GRAP2: variants seen among roughly 807,000 people sequenced by gnomAD.
GRAP2 encodes GRB2 related adaptor protein 2.
Under a neutral mutation model 43.5 loss-of-function variants are expected in GRAP2, and 31 were observed. The observed-to-expected ratio is 0.71, with a 90% CI of 0.54 to 0.96. The LOEUF (loss-of-function observed/expected upper bound fraction) is 0.96. GRAP2 is among the 40% of genes least tolerant of loss of function. The pLI is 0.00. For missense variants in GRAP2, 371 were observed against 424.4 expected, an observed-to-expected ratio of 0.87 and a Z score of 1.11; for synonymous variants, 156 against 164.8, an observed-to-expected ratio of 0.95 and a Z score of 0.41.
At chr22:39,934,741 C>G (rs1305115110) in intron 1 of GRAP2, among the ~76,000 whole-genome samples, 1 of 151,994 alleles carries the variant, frequency 6.6e-6, no homozygotes, top group African/African-American at 2.4e-5. Context: ...TGTGGGGGCA[C>G]ACGATTGTAG....
intron 1 of GRAP2, among the ~76,000 whole-genome samples, chr22:39,920,701 G>A (rs1272155350): frequency 6.6e-6 from 1 of 152,102 alleles, no homozygotes; most frequent in African/African-American, 2.4e-5. Context: ...AGAAGATGCT[G>A]ACTCTCCAAC....
chr22:39,911,381 T>TAAA, intron 1 of GRAP2, among the ~76,000 whole-genome samples: 5 of 151,592 alleles, frequency 3.3e-5, no homozygotes, highest in African/African-American at 1.2e-4. Context: ...CTTCCCTCCA[T>TAAA]CACCTCCCCC....
intron 2 of GRAP2, among the ~76,000 whole-genome samples, chr22:39,955,231 G>A (rs1403247885): frequency 6.6e-6 from 1 of 152,138 alleles, no homozygotes; most frequent in African/African-American, 2.4e-5. Flanking sequence ...AGTGGCGCAT[G>A]CCTGTAATCC....
chr22:39,915,220 G>T (rs1023079686), intron 1 of GRAP2, among the ~76,000 whole-genome samples: 12 of 148,338 alleles, frequency 8.1e-5, no homozygotes, highest in East Asian at 2.0e-4. Context: ...AGAAAAAAAA[G>T]AAATAAATAA....
chr22:39,971,040 C>T lies in GRAP2; in HGVS notation c.949C>T (p.Leu317=), dbSNP rs754576818. 1.2e-6 allele frequency: 2 copies of T among 1,613,790 alleles called. No individual in the cohort carries two copies. Among genetic ancestry groups the T allele is most frequent in the African/African-American group, 1.3e-5 (1 of 74,916 alleles). ...SWWTGRLHNK[L]GLFPANYVAP... is the part of the protein sequence containing the mutation. ...GTGGACCGGCCGCCTGCACAACAAG[C>T]TGGGCCTCTTCCCTGCCAACTACGT... Residue 317 remains leucine, a synonymous_variant, in exon 8 of 8, where the codon CTG becomes TTG. Coordinates refer to ENST00000344138, the MANE Select transcript of GRAP2 (RefSeq NM_004810.4).
intron 1 of GRAP2, among the ~76,000 whole-genome samples, chr22:39,904,738 T>C (rs2066512594): frequency 6.6e-6 from 1 of 152,152 alleles, no homozygotes; most frequent in South Asian, 2.1e-4. Context: ...TTCTATACCA[T>C]TTTTTAAAAA....
chr22:39,941,314 CTG>C (rs2066868364), intron 1 of GRAP2, among the ~76,000 whole-genome samples: 1 of 152,202 alleles, frequency 6.6e-6, no homozygotes, highest in African/African-American at 2.4e-5. Flanking sequence ...CGGAGTAACT[CTG>C]GTGACTCCCA....
At chr22:39,955,676 C>T (rs368957623) in intron 2 of GRAP2, 143 bp from the exon 3 acceptor site, 30 of 548,516 alleles carry the variant, frequency 5.5e-5, no homozygotes, top group East Asian at 3.2e-4. Context: ...GGGGTAAATC[C>T]TAGAACAGCT....
intron 7 of GRAP2, 150 bp downstream of exon 7, chr22:39,969,683 G>A (rs1321471274): frequency 2.7e-6 from 2 of 752,134 alleles, no homozygotes; most frequent in Non-Finnish European, 4.2e-6. Context: ...GGAGGCCAAG[G>A]CAGGTGGATC....
chr22:39,968,171 C>T lies in GRAP2; in HGVS notation c.589C>T (p.Gln197Ter). Residue 197 changes from glutamine (Q) to a stop codon, truncating the protein, a stop_gained, in exon 6 of 8, where the codon CAG becomes TAG. Coordinates refer to ENST00000344138, the MANE Select transcript of GRAP2 (RefSeq NM_004810.4). LOFTEE classifies it high-confidence loss of function. ...TCACCCCCCGACCCTTCCCCTGCAG[C>T]AGCACCAGCACCAGCCACAGCCTCC... ...SDHPPTLPLQ[Q>*]HQHQPQPPQY... The T allele has an allele frequency of 6.2e-7, 1 of 1,609,414 alleles. No individual in the cohort carries two copies. The highest frequency in any genetic ancestry group is 8.5e-7 in the Non-Finnish European group (1 of 1,177,738).
intron 1 of GRAP2, among the ~76,000 whole-genome samples, chr22:39,918,425 G>A (rs2066621560): frequency 2.0e-5 from 3 of 152,328 alleles, no homozygotes; most frequent in South Asian, 4.1e-4. Context: ...GAGAGGGCTT[G>A]CCTGACTCTG....
chr22:39,927,592 A>G (rs1011750195), intron 1 of GRAP2, among the ~76,000 whole-genome samples: 3 of 152,204 alleles, frequency 2.0e-5, no homozygotes, highest in Non-Finnish European at 4.4e-5. Flanking sequence ...TCGCATCGGG[A>G]GAGGTAAACA....
At chr22:39,922,041 G>A (rs183760447) in intron 1 of GRAP2, among the ~76,000 whole-genome samples, 23 of 152,298 alleles carry the variant, frequency 1.5e-4, no homozygotes, top group Admixed American at 1.4e-3. Flanking sequence ...TTTAGCACAA[G>A]CCAAACCAGA....
Position 39,953,796 on chromosome 22 carries a change from T to C in GRAP2, c.79-2023T>C, listed in dbSNP as rs150972657. On this transcript the variant is annotated intron_variant, in intron 2 of 7. Transcript: ENST00000344138. ...TTGCTAAGTTTTATTTTTATTTTCATAGAGACAAGGTCTCGCTTTGTTGCC... is the reference window on the plus strand; with the variant it reads ...TTGCTAAGTTTTATTTTTATTTTCACAGAGACAAGGTCTCGCTTTGTTGCC... 3.5e-3 allele frequency among the ~76,000 whole-genome samples: 533 copies of C among 152,340 alleles called. 4 individuals are homozygous for C. The highest frequency in any genetic ancestry group is 0.012 in the African/African-American group (492 of 41,572).
At chr22:39,955,356 C>CA (rs1395245509) in intron 2 of GRAP2, among the ~76,000 whole-genome samples, 1 of 147,526 alleles carries the variant, frequency 6.8e-6, no homozygotes, top group African/African-American at 2.5e-5. Context: ...GACTCTGTCT[C>CA]AAAAAAACGA....
intron 6 of GRAP2, 54 bp from the exon 7 acceptor site, chr22:39,969,357 C>T (rs56057810): frequency 0.027 from 43,079 of 1,605,430 alleles, 1,935 homozygotes; most frequent in Admixed American, 0.19. Context: ...CTGGGGGAAC[C>T]GGTGGGAGAT....
intron 1 of GRAP2, among the ~76,000 whole-genome samples, chr22:39,943,418 C>T (rs749688562): frequency 1.3e-5 from 2 of 152,220 alleles, no homozygotes; most frequent in Non-Finnish European, 2.9e-5. Context: ...AGCAGATCCA[C>T]ACTGCATGCT....
chr22:39,959,986 T>C lies in GRAP2; in HGVS notation c.171-69T>C, dbSNP rs1441156923. 5 of 1,497,310 alleles carry C rather than the reference T, an allele frequency of 3.3e-6. No individual in the cohort carries two copies. The Admixed American group carries it at 5.0e-5, about 15-fold the overall frequency. 92.8% of individuals were successfully genotyped at this position (1,497,310 alleles called of 1,614,324 possible). A position where few individuals can be genotyped will look rare whatever the true frequency, so the allele number is the denominator to read the frequency against. On this transcript the variant is annotated intron_variant, in intron 3 of 7. Coordinates refer to ENST00000344138, the MANE Select transcript of GRAP2 (RefSeq NM_004810.4). The stretch of plus-strand genomic sequence containing the variant: ...AGCCTCTTTCCCTCTGGGTCACCTC[T>C]TCTCCACGTCTCCCTCTTGTCACTC...
intron 2 of GRAP2, among the ~76,000 whole-genome samples, chr22:39,953,362 C>T (rs890475471): frequency 3.3e-5 from 5 of 152,228 alleles, no homozygotes; most frequent in African/African-American, 1.2e-4. Context: ...ACCACCTACT[C>T]AGTCTCCCAA....
Sources: allele counts gnomAD v4.1 joint callset (sites outside exome capture counted in the v4.1 genomes callset), GRCh38; gene constraint gnomAD v4.1.1; transcripts MANE v1.5; gene names NCBI Gene and HGNC (gene_info 2026-07-23, HGNC 2026-07-21).